The following PCDH9 variants were observed in gnomAD, a reference collection of about 807,000 sequenced individuals.
PCDH9 encodes protocadherin-9.
In PCDH9, 24 loss-of-function variants were observed where a neutral mutation model predicts 70.6. The ratio of observed to expected loss-of-function variants is 0.34; its 90% CI spans 0.25 to 0.48. The LOEUF (loss-of-function observed/expected upper bound fraction) is 0.48. Among genes scored for constraint, PCDH9 ranks in the 20% least tolerant of loss-of-function variants. PCDH9 has a pLI of 0.99. For synonymous variants in PCDH9, 562 were observed against 558.5 expected (o/e 1.01, Z -0.09); for missense variants, 1,281 against 1,503.6 (o/e 0.85, Z 2.45).
At chr13:66,785,675 C>T (rs2080068315) in intron 3 of PCDH9, among the ~76,000 whole-genome samples, 1 of 151,882 alleles carries the variant, frequency 6.6e-6, no homozygotes, top group South Asian at 2.1e-4. Context: ...GGCTATACTT[C>T]CTTTGATTTG....
At chr13:66,344,492 G>T (rs1956183196) in intron 4 of PCDH9, among the ~76,000 whole-genome samples, 1 of 152,150 alleles carries the variant, frequency 6.6e-6, no homozygotes, top group African/African-American at 2.4e-5. Context: ...AGTACAACCA[G>T]CTGGATGCAA....
chr13:66,944,084 A>G (rs1051555841), intron 2 of PCDH9, among the ~76,000 whole-genome samples: 1 of 152,168 alleles, frequency 6.6e-6, no homozygotes, highest in Middle Eastern at 3.2e-3. Flanking sequence ...TCATTAAGTA[A>G]TTTATCAAAC....
At chr13:67,094,964 T>C (rs2086291160) in intron 2 of PCDH9, among the ~76,000 whole-genome samples, 1 of 152,142 alleles carries the variant, frequency 6.6e-6, no homozygotes, top group African/African-American at 2.4e-5. Context: ...AAGCAACCTA[T>C]AGTTGAAAAT....
At chr13:66,956,812 G>A (rs759908892) in intron 2 of PCDH9, among the ~76,000 whole-genome samples, 2 of 151,980 alleles carry the variant, frequency 1.3e-5, no homozygotes, top group Non-Finnish European at 2.9e-5. Context: ...TTGTATATTC[G>A]GATAGGCCAT....
intron 4 of PCDH9, among the ~76,000 whole-genome samples, chr13:66,349,306 G>A (rs1200686760): frequency 6.6e-6 from 1 of 152,132 alleles, no homozygotes; most frequent in Non-Finnish European, 1.5e-5. Context: ...TAAAGCATAC[G>A]CCTGTGCTCT....
chr13:66,498,146 T>C (rs1959146637), intron 4 of PCDH9, among the ~76,000 whole-genome samples: 2 of 147,782 alleles, frequency 1.4e-5, no homozygotes, highest in South Asian at 2.1e-4. Context: ...TTATTTATTA[T>C]TATTATTTTT....
intron 3 of PCDH9, among the ~76,000 whole-genome samples, chr13:66,845,160 T>C (rs963493779): frequency 6.6e-6 from 1 of 152,154 alleles, no homozygotes; most frequent in African/African-American, 2.4e-5. Context: ...CCTGCCCCTT[T>C]CTGCCCAGGA....
intron 3 of PCDH9, among the ~76,000 whole-genome samples, chr13:66,641,277 A>G (rs2077705399): frequency 6.6e-6 from 1 of 152,230 alleles, no homozygotes; most frequent in Admixed American, 6.5e-5. Context: ...CCTGTAGCAC[A>G]GCTTTCTAGT....
At chr13:67,064,309 C>T (rs896546089) in intron 2 of PCDH9, among the ~76,000 whole-genome samples, 2 of 152,070 alleles carry the variant, frequency 1.3e-5, no homozygotes, top group Non-Finnish European at 2.9e-5. Flanking sequence ...ACCTGTGCAG[C>T]GAATTTTAAA....
intron 2 of PCDH9, among the ~76,000 whole-genome samples, chr13:66,935,744 A>G (rs1036692868): frequency 6.6e-6 from 1 of 152,168 alleles, no homozygotes; most frequent in Non-Finnish European, 1.5e-5. Context: ...TCTACTAGTC[A>G]CAAAGTTAGT....
chr13:67,168,792 T>C (rs2088196486), intron 2 of PCDH9, among the ~76,000 whole-genome samples: 1 of 152,164 alleles, frequency 6.6e-6, no homozygotes, highest in African/African-American at 2.4e-5. Context: ...CACTCCCAAT[T>C]ATCAATTACA....
At chr13:66,314,258 C>T (rs1392009835) in intron 4 of PCDH9, among the ~76,000 whole-genome samples, 9 of 152,172 alleles carry the variant, frequency 5.9e-5, no homozygotes, top group African/African-American at 1.7e-4. Context: ...AAACTAATAA[C>T]GTTTTCAGGC....
chr13:67,105,191 C>G (rs2086514069), intron 2 of PCDH9, among the ~76,000 whole-genome samples: 1 of 151,958 alleles, frequency 6.6e-6, no homozygotes, highest in African/African-American at 2.4e-5. Context: ...GTAAAATTGC[C>G]TACACTTTTT....
chr13:67,001,547 C>T (rs2139820838), intron 2 of PCDH9, among the ~76,000 whole-genome samples: 1 of 151,806 alleles, frequency 6.6e-6, no homozygotes, highest in African/African-American at 2.4e-5. Flanking sequence ...ATTCTAAGTA[C>T]CTAGGAGAGA....
intron 2 of PCDH9, among the ~76,000 whole-genome samples, chr13:67,118,284 G>A (rs2138292097): frequency 6.6e-6 from 1 of 152,186 alleles, no homozygotes; most frequent in Admixed American, 6.5e-5. Context: ...CAACTAGTTG[G>A]TACTTTTATT....
At chr13:67,143,195 GACA>G (rs939429797) in intron 2 of PCDH9, among the ~76,000 whole-genome samples, 1 of 151,986 alleles carries the variant, frequency 6.6e-6, no homozygotes, top group Non-Finnish European at 1.5e-5. Context: ...TAGCATCTTG[GACA>G]ACAATAGAAC....
Position 67,060,626 on chromosome 13 carries a change from T to C in PCDH9, c.3037-157021A>G, listed in dbSNP as rs564339104. ...AATTCTGACAATTATCACCATATAA[T>C]AGAAATACGGTGGCATTTTAAATCA... On this transcript the variant is annotated intron_variant, in intron 2 of 4. Transcript: ENST00000377865. 1.4e-3 allele frequency among the ~76,000 whole-genome samples: 207 copies of C among 152,208 alleles called. No homozygotes were observed. The Middle Eastern group carries it at 0.017, about 13-fold the overall frequency.
At chr13:66,927,199 G>A (rs890341977) in intron 2 of PCDH9, among the ~76,000 whole-genome samples, 4 of 151,960 alleles carry the variant, frequency 2.6e-5, no homozygotes, top group East Asian at 1.9e-4. Context: ...CCCATAGACC[G>A]GTGGCTTAAA....
chr13:66,660,828 T>C (rs985604704), intron 3 of PCDH9, among the ~76,000 whole-genome samples: 1 of 152,060 alleles, frequency 6.6e-6, no homozygotes, highest in Non-Finnish European at 1.5e-5. Context: ...CCATTTTATT[T>C]TCTTTTTACA....
Sources: gnomAD v4.1 joint callset for allele counts (sites outside exome capture counted in the v4.1 genomes callset) on GRCh38, gnomAD v4.1.1 for gene constraint, MANE v1.5 for transcripts, NCBI Gene and HGNC (gene_info 2026-07-23, HGNC 2026-07-21) for gene names.